Variants in LCP1 observed in about 807,000 individuals in gnomAD.
The protein encoded by LCP1 is lymphocyte cytosolic protein 1.
A neutral mutation model predicts 72.0 loss-of-function variants in LCP1; 23 were observed. That is an observed-to-expected ratio of 0.32 (90% CI 0.23 to 0.45). LCP1 has a LOEUF of 0.45. LCP1 is among the 20% of genes least tolerant of loss of function. The pLI is 1.00. For missense variants in LCP1, 571 were observed against 748.3 expected, an observed-to-expected ratio of 0.76 and a Z score of 2.76; for synonymous variants, 245 against 275.4, an observed-to-expected ratio of 0.89 and a Z score of 1.09.
chr13:46,159,568 T>C, intron 2 of LCP1, 31 bp downstream of exon 2: 1 of 1,576,886 alleles, frequency 6.3e-7, no homozygotes, highest in East Asian at 2.2e-5. Context: ...AAGAAGAGAA[T>C]GATGCAATTT....
In LCP1 at chr13:46,143,410, C is replaced by G; in HGVS notation, c.1254-6G>C. ...CCAGGGCATCTGATAAGTCACTGAACAAAACAAACACAAAAGGATTCTCAG... is the reference window on the plus strand; with the variant it reads ...CCAGGGCATCTGATAAGTCACTGAAGAAAACAAACACAAAAGGATTCTCAG... On this transcript the variant is annotated splice_region_variant and splice_polypyrimidine_tract_variant and intron_variant, in intron 11 of 15. Coordinates refer to ENST00000323076, the MANE Select transcript of LCP1 (RefSeq NM_002298.5). The G allele has an allele frequency of 1.3e-6, 2 of 1,585,254 alleles. No homozygotes were observed. Among genetic ancestry groups the G allele is most frequent in the South Asian group, 1.1e-5 (1 of 90,412 alleles).
chr13:46,153,144 A>C, intron 6 of LCP1, 199 bp from the exon 7 acceptor site: 6 of 494,840 alleles, frequency 1.2e-5, no homozygotes, highest in Non-Finnish European at 1.1e-5. Flanking sequence ...CCGACCACTC[A>C]TGCAGTGGTC....
At chr13:46,159,416 T>C (rs1316372530) in intron 2 of LCP1, 183 bp downstream of exon 2, 2 of 597,864 alleles carry the variant, frequency 3.3e-6, no homozygotes, top group African/African-American at 3.7e-5. Flanking sequence ...CATGTTTTGA[T>C]AGAGAAAGTC....
Position 46,151,153 on chromosome 13 carries a change from A to G in LCP1, c.740-75T>C. On this transcript the variant is annotated intron_variant, in intron 7 of 15. Transcript: ENST00000323076. ...AGGGGGGTTGGTTATAACTTTCATTAAGCTCTGCTAAAAAGCTAAAGATAA... is the reference window on the plus strand; with the variant it reads ...AGGGGGGTTGGTTATAACTTTCATTGAGCTCTGCTAAAAAGCTAAAGATAA... The G allele has an allele frequency of 2.7e-6, 4 of 1,454,858 alleles. No individual in the cohort carries two copies. In the South Asian group the frequency reaches 3.9e-5, roughly 14 times the overall value. 90.1% of individuals were successfully genotyped at this position (1,454,858 alleles called of 1,614,324 possible).
intron 13 of LCP1, among the ~76,000 whole-genome samples, chr13:46,141,391 G>T (rs1388734641): frequency 9.3e-6 from 1 of 107,342 alleles, no homozygotes; most frequent in Non-Finnish European, 1.7e-5. Flanking sequence ...GGGCGACAGA[G>T]CAAGACTCTG....
chr13:46,151,116 C>A, intron 7 of LCP1, 38 bp from the exon 8 acceptor site: 1 of 1,583,328 alleles, frequency 6.3e-7, no homozygotes, highest in South Asian at 1.1e-5. Context: ...ATAAATGCAG[C>A]GATGTTGGGG....
In LCP1 at chr13:46,130,829, T is replaced by A. The variant is rs1566431996; in HGVS notation, c.1736A>T (p.Lys579Ile). The change falls in exon 15 of 16, where the codon AAA becomes ATA. Residue 579 changes from lysine (K) to isoleucine (I), a missense_variant. Transcript: ENST00000323076. ...LKTENLNDDE[K>I]LNNAKYAISM... is the part of the protein sequence containing the mutation. ...ATTTACGTACTTTGCATTGTTGAGT[T>A]TCTCATCATCATTCAGATTTTCTGT... 1 of 1,612,694 alleles carries A rather than the reference T, an allele frequency of 6.2e-7. No individual in the cohort carries two copies. Among genetic ancestry groups the A allele is most frequent in the Non-Finnish European group, 8.5e-7 (1 of 1,179,620 alleles).
intron 7 of LCP1, 53 bp downstream of exon 7, chr13:46,152,727 G>A (rs776403784): frequency 1.0e-5 from 16 of 1,570,994 alleles, no homozygotes; most frequent in African/African-American, 4.1e-5. Context: ...AGTCCCCAAC[G>A]CGTAAGTTAT....
chr13:46,144,439 T>C lies in LCP1; in HGVS notation c.1253+3A>G, dbSNP rs760263678. 2 of 1,609,366 alleles carry C rather than the reference T, an allele frequency of 1.2e-6. No individual in the cohort carries two copies. Among genetic ancestry groups the C allele is most frequent in the Non-Finnish European group, 1.7e-6 (2 of 1,175,720 alleles). ...ATTAGAATGAGTTCCCAAATATTCC[T>C]ACCTGTACAAATGATTGACTCGAGG... On this transcript the variant is annotated splice_donor_region_variant and intron_variant, in intron 11 of 15. Coordinates refer to ENST00000323076, the MANE Select transcript of LCP1 (RefSeq NM_002298.5).
intron 1 of LCP1, among the ~76,000 whole-genome samples, chr13:46,177,444 G>A (rs1361392678): frequency 5.3e-5 from 8 of 152,100 alleles, no homozygotes; most frequent in Middle Eastern, 6.8e-3. Context: ...GATCGAGACC[G>A]TCCTGGCTAA....
rs1593940710 is a variant in LCP1, at chr13:46,130,975, C to T, written c.1627-37G>A. 1.9e-6 allele frequency: 3 copies of T among 1,545,104 alleles called. No homozygotes were observed. The East Asian group carries it at 7.1e-5, about 37-fold the overall frequency. On this transcript the variant is annotated intron_variant, in intron 14 of 15. Coordinates refer to ENST00000323076, the MANE Select transcript of LCP1 (RefSeq NM_002298.5). ...CACAGGGAGGGTTTCATCAACGTGTCCCAAAGTTACTCCCATTCAGCTCAA... is the reference window on the plus strand; with the variant it reads ...CACAGGGAGGGTTTCATCAACGTGTTCCAAAGTTACTCCCATTCAGCTCAA...
At chr13:46,176,358 A>AG (rs2045930453) in intron 1 of LCP1, among the ~76,000 whole-genome samples, 1 of 152,152 alleles carries the variant, frequency 6.6e-6, no homozygotes, top group Non-Finnish European at 1.5e-5. Flanking sequence ...TAAAAACTGA[A>AG]AAAACATTTT....
At chr13:46,169,525 T>C (rs1405571119) in intron 1 of LCP1, 1 of 152,294 alleles carries the variant, frequency 6.6e-6, no homozygotes, top group African/African-American at 2.4e-5. Context: ...ATCCCACTAC[T>C]GATCAGCACA....
Position 46,134,101 on chromosome 13 carries a change from C to A in LCP1, c.1626+26G>T, listed in dbSNP as rs750775385. 4 of 1,612,194 alleles carry A rather than the reference C, an allele frequency of 2.5e-6. No individual in the cohort carries two copies. The South Asian group carries it at 4.4e-5, about 18-fold the overall frequency. ...CAGATAGGCATAGAGCTCAGATGGC[C>A]TCTAGCAGAAGACAAAGAATTTTAC... On this transcript the variant is annotated intron_variant, in intron 14 of 15. Coordinates refer to ENST00000323076, the MANE Select transcript of LCP1 (RefSeq NM_002298.5).
chr13:46,137,289 G>A (rs1037099741), intron 13 of LCP1, among the ~76,000 whole-genome samples: 4 of 152,008 alleles, frequency 2.6e-5, no homozygotes, highest in Middle Eastern at 3.2e-3. Context: ...TGTAATTCGA[G>A]CACTTTGGGA....
rs79173824 is a variant in LCP1, at chr13:46,151,260, G to A, written c.740-182C>T. ...TTATTATTATTCCCTAAAAAGAGGC[G>A]TAAGCCATTGTGAGCTTATTTATTA... On this transcript the variant is annotated intron_variant, in intron 7 of 15. Transcript: ENST00000323076. Among the ~76,000 whole-genome samples, 1,731 of 152,262 alleles carry A rather than the reference G, an allele frequency of 0.011. 74 individuals are homozygous for A. The East Asian group carries it at 0.12, about 11-fold the overall frequency.
At chr13:46,158,349 T>G (rs2045816316) in intron 4 of LCP1, among the ~76,000 whole-genome samples, 173 bp downstream of exon 4, 1 of 152,214 alleles carries the variant, frequency 6.6e-6, no homozygotes, top group Admixed American at 6.5e-5. Context: ...TACCCAGAGC[T>G]AGGACTGCTC....
intron 1 of LCP1, among the ~76,000 whole-genome samples, chr13:46,178,930 C>T (rs1187376860): frequency 6.6e-6 from 1 of 152,184 alleles, no homozygotes; most frequent in Non-Finnish European, 1.5e-5. Context: ...TGCCATCTCT[C>T]CTGTATACAC....
chr13:46,147,154 A>G, intron 9 of LCP1, 51 bp from the exon 10 acceptor site: 1 of 1,426,798 alleles, frequency 7.0e-7, no homozygotes, highest in Non-Finnish European at 9.4e-7. Flanking sequence ...TCCATGCACA[A>G]AGCAGATTGC....
Sources: gnomAD v4.1 joint callset for allele counts (sites outside exome capture counted in the v4.1 genomes callset) on GRCh38, gnomAD v4.1.1 for gene constraint, MANE v1.5 for transcripts, NCBI Gene and HGNC (gene_info 2026-07-23, HGNC 2026-07-21) for gene names.